The following IL1RAPL2 variants were observed in gnomAD, a reference collection of about 807,000 sequenced individuals.
IL1RAPL2 encodes X-linked interleukin-1 receptor accessory protein-like 2.
In IL1RAPL2, 3 loss-of-function variants were observed where a neutral mutation model predicts 44.1. The observed-to-expected ratio is 0.07, with a 90% confidence interval of 0.03 to 0.18. IL1RAPL2 has a LOEUF of 0.18. Among genes scored for constraint, IL1RAPL2 ranks in the 10% least tolerant of loss-of-function variants. The pLI, the probability that IL1RAPL2 is intolerant of heterozygous loss-of-function variation, is 1.00. For missense variants in IL1RAPL2, 391 were observed against 496.4 expected (o/e 0.79, Z 2.02); for synonymous variants, 181 against 178.8 (o/e 1.01, Z -0.10).
At chrX:105,072,914 T>C (rs1313977509) in intron 2 of IL1RAPL2, among the ~76,000 whole-genome samples, 2 of 110,843 alleles carry the variant, frequency 1.8e-5, no homozygotes, top group African/African-American at 6.6e-5. Context: ...TGTTTGGTTT[T>C]CTGTTCTTGT....
chrX:105,030,450 A>G (rs2031468364), intron 2 of IL1RAPL2, among the ~76,000 whole-genome samples: 1 of 111,971 alleles, frequency 8.9e-6, no homozygotes, highest in African/African-American at 3.2e-5. Flanking sequence ...ATCCAGTTTC[A>G]GCTTTCTATA....
intron 6 of IL1RAPL2, among the ~76,000 whole-genome samples, chrX:105,665,911 C>T (rs746024346): frequency 3.8e-5 from 4 of 106,426 alleles, no homozygotes; most frequent in South Asian, 4.3e-4. Context: ...TACAGGCGCC[C>T]GCCACCACGC....
At chrX:104,659,092 T>C in intron 2 of IL1RAPL2, 97 bp downstream of exon 2, 2 of 534,423 alleles carry the variant, frequency 3.7e-6, no homozygotes, top group Non-Finnish European at 6.5e-6. Flanking sequence ...TGTCTTTAAA[T>C]AGAAGCACTC....
chrX:105,483,299 A>G, intron 5 of IL1RAPL2, among the ~76,000 whole-genome samples: 1 of 111,245 alleles, frequency 9.0e-6, no homozygotes. Context: ...TCCAGAATTC[A>G]GCCCCATCCA....
At chrX:104,779,970 G>T (rs780429626) in intron 2 of IL1RAPL2, among the ~76,000 whole-genome samples, 2 of 111,302 alleles carry the variant, frequency 1.8e-5, no homozygotes, top group Non-Finnish European at 3.8e-5. Context: ...AAAATATTTG[G>T]CCCCTGATGT....
chrX:105,341,259 C>T (rs1056782582), intron 5 of IL1RAPL2, among the ~76,000 whole-genome samples: 1 of 111,686 alleles, frequency 9.0e-6, no homozygotes, highest in Non-Finnish European at 1.9e-5. Context: ...AAGAATTTCC[C>T]TGGTTTGATG....
intron 5 of IL1RAPL2, among the ~76,000 whole-genome samples, chrX:105,293,252 T>C (rs1310428841): frequency 8.9e-6 from 1 of 112,097 alleles, no homozygotes; most frequent in Non-Finnish European, 1.9e-5. Context: ...TATTTATTTT[T>C]ATACACATAG....
In IL1RAPL2 at chrX:105,670,146, T is replaced by TATATATATATATATATATATATATATATA. The variant is rs1301114173; in HGVS notation, c.773-47219_773-47218insATATATATATATATATATATATATATAAT. Among the ~76,000 whole-genome samples the TATATATATATATATATATATATATATATA allele has an allele frequency of 1.1e-4, 5 of 46,330 alleles. 1 individual carries two copies. Among genetic ancestry groups the TATATATATATATATATATATATATATATA allele is most frequent in the Non-Finnish European group, 2.2e-4 (5 of 22,284 alleles). The allele number at this position is 46,330 out of a possible 115,157, so 40.2% of individuals were successfully genotyped here. A position where few individuals can be genotyped will look rare whatever the true frequency, so the allele number is the denominator to read the frequency against. ...ATATATATATATATATATATATATA[T>TATATATATATATATATATATATATATATA]ATCTCCACCAGACCACACAGTCTTG... On this transcript the variant is annotated intron_variant, in intron 6 of 10. Transcript: ENST00000372582.
At chrX:105,290,109 C>T (rs530058452) in intron 5 of IL1RAPL2, among the ~76,000 whole-genome samples, 1 of 111,256 alleles carries the variant, frequency 9.0e-6, no homozygotes, top group African/African-American at 3.3e-5. Context: ...AATCTGGGTT[C>T]CTTTCATTAT....
chrX:104,659,929 A>G (rs2148023974), intron 2 of IL1RAPL2, among the ~76,000 whole-genome samples: 1 of 111,944 alleles, frequency 8.9e-6, no homozygotes, highest in East Asian at 2.8e-4. Flanking sequence ...CTGAGATAAG[A>G]ATACTTACTA....
chrX:104,779,776 C>A (rs889938694), intron 2 of IL1RAPL2, among the ~76,000 whole-genome samples: 13 of 111,447 alleles, frequency 1.2e-4, no homozygotes, highest in African/African-American at 4.2e-4. Context: ...TCTAACCCAA[C>A]CATTTGTTTG....
At chrX:104,780,684 A>G (rs1286750296) in intron 2 of IL1RAPL2, among the ~76,000 whole-genome samples, 4 of 112,063 alleles carry the variant, frequency 3.6e-5, no homozygotes, top group African/African-American at 9.7e-5. Flanking sequence ...AGCTGACAAC[A>G]TGTTCCTATT....
intron 5 of IL1RAPL2, among the ~76,000 whole-genome samples, chrX:105,306,265 T>C (rs765582020): frequency 9.9e-5 from 11 of 111,555 alleles, no homozygotes; most frequent in Non-Finnish European, 2.1e-4. Context: ...AAGTTGGAGA[T>C]ATCATGCCCC....
chrX:105,057,837 G>A (rs750372680), intron 2 of IL1RAPL2, among the ~76,000 whole-genome samples: 34 of 106,380 alleles, frequency 3.2e-4, no homozygotes, highest in African/African-American at 1.1e-3. Context: ...GCTGGAGTGC[G>A]GTGGCATGAT....
chrX:105,726,651 C>T (rs185344214), intron 7 of IL1RAPL2, among the ~76,000 whole-genome samples: 1 of 110,591 alleles, frequency 9.0e-6, no homozygotes, highest in African/African-American at 3.3e-5. Flanking sequence ...AGTGATGCCC[C>T]AAACCTGCTT....
chrX:105,009,407 T>C (rs1464063741), intron 2 of IL1RAPL2, among the ~76,000 whole-genome samples: 5 of 109,315 alleles, frequency 4.6e-5, no homozygotes, highest in Non-Finnish European at 9.5e-5. Flanking sequence ...CACCATGGAA[T>C]ACTATGCAGC....
intron 2 of IL1RAPL2, among the ~76,000 whole-genome samples, chrX:104,831,275 T>C (rs1921598003): frequency 8.9e-6 from 1 of 111,853 alleles, no homozygotes; most frequent in African/African-American, 3.2e-5. Flanking sequence ...ATGGGACTAT[T>C]TAAATCACTA....
At chrX:104,704,055 T>C (rs1296028331) in intron 2 of IL1RAPL2, among the ~76,000 whole-genome samples, 1 of 111,922 alleles carries the variant, frequency 8.9e-6, no homozygotes, top group Non-Finnish European at 1.9e-5. Context: ...AGAGGTAGAC[T>C]ACTCCTAATT....
intron 6 of IL1RAPL2, among the ~76,000 whole-genome samples, chrX:105,657,050 C>A (rs1300884534): frequency 9.0e-6 from 1 of 111,430 alleles, no homozygotes; most frequent in Non-Finnish European, 1.9e-5. Flanking sequence ...AATCTATGAT[C>A]ACACTACTAC....
Sources: gnomAD v4.1 joint callset for allele counts (sites outside exome capture counted in the v4.1 genomes callset) on GRCh38, gnomAD v4.1.1 for gene constraint, MANE v1.5 for transcripts, NCBI Gene and HGNC (gene_info 2026-07-23, HGNC 2026-07-21) for gene names.